The following PDE3A variants were observed in gnomAD, a reference collection of about 807,000 sequenced individuals.
PDE3A encodes cGMP-inhibited 3',5'-cyclic phosphodiesterase 3A.
In PDE3A, 43 loss-of-function variants were observed where a neutral mutation model predicts 98.3. The observed-to-expected ratio is 0.44, with a 90% confidence interval of 0.34 to 0.56. The LOEUF (loss-of-function observed/expected upper bound fraction) is 0.56. Among genes scored for constraint, PDE3A ranks in the 20% least tolerant of loss-of-function variants. The pLI is 0.01. For missense variants in PDE3A, 1,427 were observed against 1,440.7 expected (o/e 0.99, Z 0.15); for synonymous variants, 663 against 567.9 (o/e 1.17, Z -2.38).
intron 1 of PDE3A, among the ~76,000 whole-genome samples, chr12:20,441,626 G>A (rs1038693049): frequency 5.9e-5 from 9 of 152,246 alleles, no homozygotes; most frequent in African/African-American, 2.2e-4. Flanking sequence ...CCAGGGACTG[G>A]GGTCTTGACC....
intron 15 of PDE3A, among the ~76,000 whole-genome samples, chr12:20,668,603 T>C (rs1945386486): frequency 6.6e-6 from 1 of 152,152 alleles, no homozygotes; most frequent in Non-Finnish European, 1.5e-5. Context: ...ACACCTCACA[T>C]GGCAGGGTAC....
chr12:20,529,031 C>T (rs145207087), intron 1 of PDE3A, among the ~76,000 whole-genome samples: 8 of 152,098 alleles, frequency 5.3e-5, no homozygotes, highest in South Asian at 2.1e-4. Context: ...ATCTCTATAA[C>T]GGGAATTCAA....
intron 1 of PDE3A, among the ~76,000 whole-genome samples, chr12:20,505,285 C>G (rs1946095278): frequency 1.3e-5 from 2 of 152,012 alleles, no homozygotes; most frequent in Non-Finnish European, 2.9e-5. Context: ...ACCTAGGAGT[C>G]TCCTTTTCTC....
chr12:20,417,591 C>T (rs1473198847), intron 1 of PDE3A, among the ~76,000 whole-genome samples: 2 of 152,138 alleles, frequency 1.3e-5, no homozygotes, highest in Admixed American at 6.5e-5. Context: ...AGTTCATCCA[C>T]CCAGATCTAG....
intron 2 of PDE3A, among the ~76,000 whole-genome samples, chr12:20,576,810 G>A (rs956011953): frequency 2.6e-5 from 4 of 152,076 alleles, no homozygotes; most frequent in African/African-American, 9.7e-5. Context: ...TATGGGCTCA[G>A]ATTGGCTTCT....
intron 1 of PDE3A, among the ~76,000 whole-genome samples, chr12:20,532,021 G>A (rs914889124): frequency 1.3e-5 from 2 of 151,562 alleles, no homozygotes; most frequent in Admixed American, 6.6e-5. Flanking sequence ...TCCAACTTCT[G>A]CCCTCAGAGA....
At chr12:20,379,471 A>G (rs1943626300) in intron 1 of PDE3A, among the ~76,000 whole-genome samples, 1 of 151,730 alleles carries the variant, frequency 6.6e-6, no homozygotes, top group Non-Finnish European at 1.5e-5. Context: ...AGTCTCAGGA[A>G]CTAAGGAAGT....
At chr12:20,460,580 A>T (rs1945228851) in intron 1 of PDE3A, among the ~76,000 whole-genome samples, 2 of 152,244 alleles carry the variant, frequency 1.3e-5, no homozygotes, top group Admixed American at 1.3e-4. Context: ...AAAGTTTTAT[A>T]TGGTTATGGC....
At chr12:20,442,071 G>T (rs1209245203) in intron 1 of PDE3A, among the ~76,000 whole-genome samples, 2 of 152,022 alleles carry the variant, frequency 1.3e-5, no homozygotes, top group Admixed American at 6.6e-5. Context: ...CTCATTTCTT[G>T]TGAAATATTG....
chr12:20,633,171 G>GA (rs1330659203), intron 6 of PDE3A, among the ~76,000 whole-genome samples: 3 of 152,022 alleles, frequency 2.0e-5, no homozygotes, highest in African/African-American at 7.2e-5. Flanking sequence ...GGCTGGTCTT[G>GA]AACTCCTGAC....
At chr12:20,370,375 T>G (rs1281379350) in intron 1 of PDE3A, 131 bp downstream of exon 1, 3 of 627,956 alleles carry the variant, frequency 4.8e-6, no homozygotes, top group African/African-American at 3.8e-5. Context: ...ACTTCAGAAT[T>G]AAGAAACTAG....
chr12:20,369,512 G>T lies in PDE3A; in HGVS notation c.228G>T (p.Leu76=). 1 of 1,559,580 alleles carries T rather than the reference G, an allele frequency of 6.4e-7. No individual in the cohort carries two copies. Among genetic ancestry groups the T allele is most frequent in the Admixed American group, 1.9e-5 (1 of 52,610 alleles). ...GCTCCCTGTCCTTTCTGCTGGCGCT[G>T]CTGGTGAGGCTGGTCCGCGGGGAGG... is the stretch of plus-strand genomic sequence containing the variant. ...CAGSLSFLLA[L]LVRLVRGEVG... The change falls in exon 1 of 16, where the codon CTG becomes CTT. Residue 76 remains leucine (L), a synonymous_variant. Coordinates refer to ENST00000359062, the MANE Select transcript of PDE3A (RefSeq NM_000921.5).
chr12:20,493,978 C>G (rs1945873143), intron 1 of PDE3A, among the ~76,000 whole-genome samples: 1 of 152,170 alleles, frequency 6.6e-6, no homozygotes, highest in African/African-American at 2.4e-5. Flanking sequence ...ATGGATATAC[C>G]AGAATACACT....
At position 20,683,077 on chromosome 12, in the gene PDE3A, C is replaced by T. The variant is rs1457900238; in HGVS notation, c.*2806C>T. On this transcript the variant is annotated 3_prime_UTR_variant, in exon 16 of 16. Coordinates refer to ENST00000359062, the MANE Select transcript of PDE3A (RefSeq NM_000921.5). ...CATTCCAGAACTGTGTTCAGCAATC[C>T]AGGCAGATTGATACATTTTTCTTTA... 6.6e-6 allele frequency: 1 copy of T among 152,140 alleles called. No homozygotes were observed. The highest frequency in any genetic ancestry group is 1.5e-5 in the Non-Finnish European group (1 of 68,024). The allele number at this position is 152,140 out of a possible 1,614,324, so 9.4% of individuals were successfully genotyped here.
At chr12:20,528,470 A>G (rs1384702573) in intron 1 of PDE3A, among the ~76,000 whole-genome samples, 1 of 152,224 alleles carries the variant, frequency 6.6e-6, no homozygotes, top group Non-Finnish European at 1.5e-5. Context: ...GCCAAGGTAA[A>G]TGAATGAAAG....
At chr12:20,651,559 G>A (rs935418598) in intron 14 of PDE3A, among the ~76,000 whole-genome samples, 11 of 152,052 alleles carry the variant, frequency 7.2e-5, no homozygotes, top group Admixed American at 6.5e-4. Flanking sequence ...CCCTAAAAAA[G>A]GTATGAATAT....
At chr12:20,581,289 T>C (rs981814445) in intron 2 of PDE3A, among the ~76,000 whole-genome samples, 13 of 152,224 alleles carry the variant, frequency 8.5e-5, no homozygotes, top group African/African-American at 3.1e-4. Context: ...TCTCAGACTT[T>C]CATGACTTTG....
intron 3 of PDE3A, 122 bp from the exon 4 acceptor site, chr12:20,616,108 T>C: frequency 1.2e-6 from 1 of 817,404 alleles, no homozygotes; most frequent in Non-Finnish European, 1.8e-6. Context: ...AGATAGGTGA[T>C]ATTAAACCAA....
intron 2 of PDE3A, among the ~76,000 whole-genome samples, chr12:20,597,661 C>A (rs1419151383): frequency 6.6e-6 from 1 of 152,148 alleles, no homozygotes; most frequent in Non-Finnish European, 1.5e-5. Flanking sequence ...CAACCAACTT[C>A]TTTCACTCTT....
Sources: allele counts gnomAD v4.1 joint callset (sites outside exome capture counted in the v4.1 genomes callset), GRCh38; gene constraint gnomAD v4.1.1; transcripts MANE v1.5; gene names NCBI Gene and HGNC (gene_info 2026-07-23, HGNC 2026-07-21).